The following BRINP3 variants were observed in gnomAD, a reference collection of about 807,000 sequenced individuals.
The protein encoded by BRINP3 is BMP/retinoic acid-inducible neural-specific protein 3.
Under a neutral mutation model 71.0 loss-of-function variants are expected in BRINP3, and 19 were observed. The observed-to-expected ratio is 0.27, with a 90% CI of 0.19 to 0.39. BRINP3 has a LOEUF of 0.39. Among genes scored for constraint, BRINP3 ranks in the 10% least tolerant of loss-of-function variants. The probability of loss-of-function intolerance (pLI) is 1.00; values close to 1 mark genes in which losing one functional copy is unlikely to be tolerated. For synonymous variants in BRINP3, 380 were observed against 337.7 expected, an observed-to-expected ratio of 1.13 and a Z score of -1.37; for missense variants, 959 against 940.8, an observed-to-expected ratio of 1.02 and a Z score of -0.25.
At chr1:190,165,688 C>CAA (rs36073895) in intron 6 of BRINP3, among the ~76,000 whole-genome samples, 3 of 146,070 alleles carry the variant, frequency 2.1e-5, no homozygotes, top group Non-Finnish European at 1.5e-5. Context: ...TTTTCAGTGG[C>CAA]AAAAAAAAAA....
intron 7 of BRINP3, among the ~76,000 whole-genome samples, chr1:190,128,808 A>G (rs2102343432): frequency 6.6e-6 from 1 of 151,918 alleles, no homozygotes; most frequent in Admixed American, 6.6e-5. Context: ...GAAAAGGGAT[A>G]TTGGATGTAA....
At chr1:190,235,188 T>C (rs967759747) in intron 4 of BRINP3, among the ~76,000 whole-genome samples, 1 of 152,106 alleles carries the variant, frequency 6.6e-6, no homozygotes, top group Admixed American at 6.6e-5. Flanking sequence ...TGTGTTATTT[T>C]ACCATTTCCA....
intron 7 of BRINP3, among the ~76,000 whole-genome samples, chr1:190,109,652 C>A (rs1652495430): frequency 6.6e-6 from 1 of 152,214 alleles, no homozygotes. Context: ...CCAATGTGGG[C>A]AGACACCTTC....
chr1:190,345,715 G>GA (rs10664849), intron 2 of BRINP3, among the ~76,000 whole-genome samples: 16,781 of 103,524 alleles, frequency 0.16, 1,568 homozygotes, highest in African/African-American at 0.28. Flanking sequence ...TTTACCTTCA[G>GA]AAAAAAAAAA....
At chr1:190,099,286 A>C in intron 7 of BRINP3, 152 bp from the exon 8 acceptor site, 2 of 663,920 alleles carry the variant, frequency 3.0e-6, no homozygotes, top group Non-Finnish European at 4.9e-6. Flanking sequence ...GCTCATAATT[A>C]GACTATATAA....
chr1:190,213,874 T>C (rs1314022472), intron 6 of BRINP3, among the ~76,000 whole-genome samples: 1 of 152,060 alleles, frequency 6.6e-6, no homozygotes, highest in South Asian at 2.1e-4. Flanking sequence ...AAAAGATCAG[T>C]TAATTTTTAC....
chr1:190,423,248 G>A (rs1673495583), intron 2 of BRINP3, among the ~76,000 whole-genome samples: 1 of 151,562 alleles, frequency 6.6e-6, no homozygotes, highest in Non-Finnish European at 1.5e-5. Context: ...ATTCTTCTAT[G>A]GGGTTTTACC....
chr1:190,334,856 T>C (rs1412578069), intron 2 of BRINP3, among the ~76,000 whole-genome samples: 2 of 151,740 alleles, frequency 1.3e-5, no homozygotes, highest in Non-Finnish European at 2.9e-5. Context: ...AGAAAATTTC[T>C]TAAGATTAGG....
chr1:190,144,698 A>G (rs541766114), intron 7 of BRINP3, among the ~76,000 whole-genome samples: 1 of 152,208 alleles, frequency 6.6e-6, no homozygotes, highest in East Asian at 1.9e-4. Flanking sequence ...CGATGAACAT[A>G]TCTCATCTTC....
chr1:190,420,611 A>G (rs6678713), intron 2 of BRINP3, among the ~76,000 whole-genome samples: 52,819 of 151,750 alleles, frequency 0.35, 9,451 homozygotes, highest in African/African-American at 0.43. Context: ...TAAAGTGTTA[A>G]GTTTTGAAAA....
At chr1:190,444,513 A>T (rs551236163) in intron 2 of BRINP3, among the ~76,000 whole-genome samples, 2 of 151,424 alleles carry the variant, frequency 1.3e-5, no homozygotes, top group Non-Finnish European at 2.9e-5. Context: ...TATGCTTTTT[A>T]TTTATTTATT....
At chr1:190,144,478 T>C (rs1160305087) in intron 7 of BRINP3, among the ~76,000 whole-genome samples, 1 of 152,010 alleles carries the variant, frequency 6.6e-6, no homozygotes, top group African/African-American at 2.4e-5. Context: ...TGCTGTAGCC[T>C]TTCCTCTAGG....
chr1:190,223,651 A>G (rs1657079129), intron 6 of BRINP3, among the ~76,000 whole-genome samples: 1 of 151,920 alleles, frequency 6.6e-6, no homozygotes, highest in African/African-American at 2.4e-5. Context: ...CTTTTATTCA[A>G]CATGACATGG....
Position 190,365,575 on chromosome 1 carries a change from TATG to T in BRINP3, c.237-83828_237-83826del, listed in dbSNP as rs951534545. Among the ~76,000 whole-genome samples, 13 of 147,014 alleles carry T rather than the reference TATG, an allele frequency of 8.8e-5. No homozygotes were observed. The East Asian group carries it at 9.8e-4, about 11-fold the overall frequency. On this transcript the variant is annotated intron_variant, in intron 2 of 7. Coordinates refer to ENST00000367462, the MANE Select transcript of BRINP3 (RefSeq NM_199051.3). ...CAATATAATTATATTTTAGTTTTGT[TATG>T]ATATTAATTTAATATTATAACAATT...
intron 2 of BRINP3, among the ~76,000 whole-genome samples, chr1:190,421,484 T>G (rs1299347717): frequency 6.6e-6 from 1 of 151,436 alleles, no homozygotes; most frequent in Non-Finnish European, 1.5e-5. Context: ...CTATAGAAAT[T>G]TATAACTATA....
At chr1:190,178,697 C>G (rs1652772243) in intron 6 of BRINP3, among the ~76,000 whole-genome samples, 1 of 152,024 alleles carries the variant, frequency 6.6e-6, no homozygotes, top group Non-Finnish European at 1.5e-5. Context: ...AGCCTCTACT[C>G]ATCACTTACA....
In BRINP3 at chr1:190,454,716, C is replaced by T. The variant is rs1445110614; in HGVS notation, c.175G>A (p.Glu59Lys). The change falls in exon 2 of 8, where the codon GAA (glutamate) becomes AAA (lysine). Residue 59 changes from glutamate (E) to lysine (K), a missense_variant. Physicochemically the swap from Glu to Lys is moderately conservative, Grantham distance 56. Coordinates refer to ENST00000367462, the MANE Select transcript of BRINP3 (RefSeq NM_199051.3). Reference protein sequence around the residue: ...SDKGPFHRSQEYTDFVDRSRQ... With the variant: ...SDKGPFHRSQKYTDFVDRSRQ... Reference sequence around the variant, plus strand: ...CTTCTGTCCACAAAATCTGTGTATTCCTGTGAGCGATGGAAGGGTCCCTTA... The same window carrying T: ...CTTCTGTCCACAAAATCTGTGTATTTCTGTGAGCGATGGAAGGGTCCCTTA... 1.2e-6 allele frequency: 2 copies of T among 1,614,080 alleles called. No individual in the cohort carries two copies. Among genetic ancestry groups the T allele is most frequent in the Non-Finnish European group, 1.7e-6 (2 of 1,180,024 alleles).
chr1:190,180,360 G>A (rs1481564873), intron 6 of BRINP3, among the ~76,000 whole-genome samples: 2 of 152,058 alleles, frequency 1.3e-5, no homozygotes, highest in African/African-American at 4.8e-5. Context: ...AGCTGTTACT[G>A]TCTTTCTGGC....
At chr1:190,303,843 A>C (rs1455167369) in intron 2 of BRINP3, among the ~76,000 whole-genome samples, 1 of 151,810 alleles carries the variant, frequency 6.6e-6, no homozygotes, top group Non-Finnish European at 1.5e-5. Context: ...AGGGTTAGAT[A>C]AAGTAAATAT....
Sources: allele counts gnomAD v4.1 joint callset (sites outside exome capture counted in the v4.1 genomes callset), GRCh38; gene constraint gnomAD v4.1.1; transcripts MANE v1.5; gene names NCBI Gene and HGNC (gene_info 2026-07-23, HGNC 2026-07-21).